Variants in DDX60L observed in about 807,000 individuals in gnomAD.
DDX60L encodes DExD/H-box 60 like, also known as probable ATP-dependent RNA helicase DDX60-like.
Under a neutral mutation model 211.6 loss-of-function variants are expected in DDX60L, and 191 were observed. The ratio of observed to expected loss-of-function variants is 0.90; its 90% CI spans 0.80 to 1.02. DDX60L has a LOEUF of 1.02. Among genes scored for constraint, DDX60L ranks in the 50% least tolerant of loss-of-function variants. DDX60L has a pLI of 0.00. For synonymous variants in DDX60L, 706 were observed against 694.1 expected (o/e 1.02, Z -0.27); for missense variants, 2,007 against 1,984.1 (o/e 1.01, Z -0.22).
rs1052491542 is a variant in DDX60L, at chr4:168,443,282, G to A, written c.1139-1790C>T. Among the ~76,000 whole-genome samples, 520 of 152,200 alleles carry A rather than the reference G, an allele frequency of 3.4e-3. 4 individuals are homozygous for A. Among genetic ancestry groups the A allele is most frequent in the Non-Finnish European group, 2.7e-3 (183 of 68,016 alleles). On this transcript the variant is annotated intron_variant, in intron 9 of 37. Coordinates refer to ENST00000682922, the MANE Select transcript of DDX60L (RefSeq NM_001012967.3). ...AACTGGAAGAAAGGGTATCAGCAATGGAAGATGAAATGAATGAAATGAAGC... is the reference window on the plus strand; with the variant it reads ...AACTGGAAGAAAGGGTATCAGCAATAGAAGATGAAATGAATGAAATGAAGC...
chr4:168,420,635 CACACAT>C (rs34404801), intron 17 of DDX60L, among the ~76,000 whole-genome samples: 1,060 of 93,706 alleles, frequency 0.011, 14 homozygotes, highest in African/African-American at 0.04. Flanking sequence ...CACACACACA[CACACAT>C]GAGATAGATA....
At chr4:168,390,916 C>T (rs996107143) in intron 29 of DDX60L, among the ~76,000 whole-genome samples, 4 of 151,770 alleles carry the variant, frequency 2.6e-5, no homozygotes, top group Admixed American at 2.0e-4. Context: ...TGGAGACCTC[C>T]GAGTAACATT....
chr4:168,479,122 TGATG>T (rs35832532), intron 1 of DDX60L, among the ~76,000 whole-genome samples: 20,926 of 141,778 alleles, frequency 0.15, 3,073 homozygotes, highest in African/African-American at 0.38. Flanking sequence ...GATGGCTGGA[TGATG>T]GATGGATGGA....
chr4:168,386,511 C>T (rs1056485006), intron 29 of DDX60L, among the ~76,000 whole-genome samples: 1 of 151,354 alleles, frequency 6.6e-6, no homozygotes, highest in Non-Finnish European at 1.5e-5. Flanking sequence ...TCATAATAAT[C>T]CAGTGAGGTA....
At chr4:168,476,198 A>AACAG (rs1373313507) in intron 1 of DDX60L, 1 of 152,120 alleles carries the variant, frequency 6.6e-6, no homozygotes, top group East Asian at 1.9e-4. Context: ...GCAATGAAAA[A>AACAG]ACAAACACTT....
intron 4 of DDX60L, among the ~76,000 whole-genome samples, chr4:168,468,196 G>C (rs1040463054): frequency 5.0e-5 from 5 of 99,942 alleles, no homozygotes; most frequent in Admixed American, 1.4e-4. Flanking sequence ...AAATAAACAA[G>C]TAAAATTACA....
chr4:168,464,441 G>GCATTT (rs1554021673), intron 4 of DDX60L, among the ~76,000 whole-genome samples: 3 of 53,880 alleles, frequency 5.6e-5, no homozygotes, highest in Non-Finnish European at 1.1e-4. Context: ...CTTTATAATT[G>GCATTT]TATTTTTTTT....
chr4:168,384,877 T>C, intron 29 of DDX60L, 65 bp from the exon 30 acceptor site: 1 of 1,454,328 alleles, frequency 6.9e-7, no homozygotes, highest in Non-Finnish European at 9.5e-7. Context: ...AGTCCAAAGA[T>C]TTATGACTTT....
At position 168,423,778 on chromosome 4, in the gene DDX60L, G is replaced by T. The variant is rs770219807; in HGVS notation, c.1931-4C>A. ...CTTAAATCTTTCGAAATTTTGCCTT[G>T]TTAAAGAAACAATAAAATTGTTATA... On this transcript the variant is annotated splice_region_variant and splice_polypyrimidine_tract_variant and intron_variant, in intron 14 of 37. Transcript: ENST00000682922. 2 of 1,553,442 alleles carry T rather than the reference G, an allele frequency of 1.3e-6. No individual in the cohort carries two copies. Among genetic ancestry groups the T allele is most frequent in the African/African-American group, 1.4e-5 (1 of 71,506 alleles).
intron 10 of DDX60L, among the ~76,000 whole-genome samples, chr4:168,440,580 T>C (rs1309951697): frequency 1.3e-5 from 2 of 152,132 alleles, no homozygotes; most frequent in Admixed American, 6.5e-5. Context: ...AAATGCCATG[T>C]CCTCTCTGGA....
At chr4:168,384,999 T>C (rs1010661289) in intron 29 of DDX60L, among the ~76,000 whole-genome samples, 187 bp from the exon 30 acceptor site, 2 of 152,120 alleles carry the variant, frequency 1.3e-5, no homozygotes, top group African/African-American at 4.8e-5. Context: ...TAAGGAGGCA[T>C]TGTGATATAT....
intron 14 of DDX60L, among the ~76,000 whole-genome samples, chr4:168,426,655 C>T (rs867840056): frequency 1.1e-4 from 16 of 152,144 alleles, no homozygotes; most frequent in East Asian, 3.9e-4. Context: ...GCTGGCTAGA[C>T]GGGCAGAAAC....
Position 168,473,058 on chromosome 4 carries a change from C to CA in DDX60L, c.-110-250dup, listed in dbSNP as rs34429903. Among the ~76,000 whole-genome samples, 3 of 151,988 alleles carry CA rather than the reference C, an allele frequency of 2.0e-5. No individual in the cohort carries two copies. The South Asian group carries it at 6.2e-4, about 32-fold the overall frequency. On this transcript the variant is annotated intron_variant, in intron 1 of 37. Transcript: ENST00000682922. ...ACTCCCTTATAGTTAATTTGCCCCC[C>CA]AAAAAAAGCAATAAAAAGTATTCTT...
rs1261888904 is a variant in DDX60L at position 168,400,826 on chromosome 4, A to C, written c.3491T>G (p.Ile1164Ser). The change falls in exon 26 of 38, where the codon ATC (isoleucine) becomes AGC (serine). Residue 1164 changes from isoleucine (I) to serine (S), a missense_variant and splice_region_variant. Physicochemically the swap from Ile to Ser is moderately radical, Grantham distance 142. Transcript: ENST00000682922. ...TGTTTAAGTAAACATTAATACTTAC[A>C]TCCTTTTCTGTGTCTTCCTCACTTT... The part of the protein sequence containing the change: ...LEKVRKTQKR[I>S]TKKNPKKAEK... The C allele has an allele frequency of 6.2e-7, 1 of 1,608,896 alleles. No individual in the cohort carries two copies. Among genetic ancestry groups the C allele is most frequent in the Admixed American group, 1.7e-5 (1 of 59,086 alleles).
chr4:168,456,894 A>G (rs4692937), intron 6 of DDX60L, among the ~76,000 whole-genome samples: 44,133 of 151,974 alleles, frequency 0.29, 8,070 homozygotes, highest in East Asian at 0.62. Context: ...ATATGCAATA[A>G]TCTTAATGAA....
chr4:168,403,982 A>C lies in DDX60L; in HGVS notation c.3338T>G (p.Leu1113Trp), dbSNP rs947570936. 20 of 1,372,956 alleles carry C rather than the reference A, an allele frequency of 1.5e-5. No homozygotes were observed. Among genetic ancestry groups the C allele is most frequent in the Non-Finnish European group, 1.9e-5 (20 of 1,025,754 alleles). The allele number at this position is 1,372,956 out of a possible 1,614,324, so 85.0% of individuals were successfully genotyped here. A position where few individuals can be genotyped will look rare whatever the true frequency, so the allele number is the denominator to read the frequency against. ...QMDKLPAIFF[L>W]FKNDDVGKRA... ...GATAAATTAAGTTTCAGTTACTTAC[A>C]AAAAAAATATTGCAGGCAACTTATC... The change falls in exon 25 of 38, where the codon TTG becomes TGG. Residue 1113 changes from leucine (L) to tryptophan (W), a missense_variant and splice_region_variant. Coordinates refer to ENST00000682922, the MANE Select transcript of DDX60L (RefSeq NM_001012967.3).
At chr4:168,428,341 T>C (rs566237508) in intron 13 of DDX60L, among the ~76,000 whole-genome samples, 1 of 152,276 alleles carries the variant, frequency 6.6e-6, no homozygotes, top group South Asian at 2.1e-4. Context: ...GTGATAACTA[T>C]TATCTAGAAT....
Position 168,416,704 on chromosome 4 carries a change from T to C in DDX60L, c.2704A>G (p.Asn902Asp). ...CPFLVLSATINNPNLLTKWLQ... is the reference protein window; with the variant it reads ...CPFLVLSATIDNPNLLTKWLQ... ...TACTTGGTGAGAAGATTTGGGTTAT[T>C]TATGGTAGCTGAAAGAACCAAAAAG... Residue 902 changes from asparagine to aspartate, a missense_variant, in exon 20 of 38, where the codon AAT (asparagine) becomes GAT (aspartate). Asn to Asp is a conservative substitution (Grantham distance 23). Coordinates refer to ENST00000682922, the MANE Select transcript of DDX60L (RefSeq NM_001012967.3). 2 of 1,600,428 alleles carry C rather than the reference T, an allele frequency of 1.2e-6. No homozygotes were observed. Among genetic ancestry groups the C allele is most frequent in the South Asian group, 2.3e-5 (2 of 87,674 alleles).
chr4:168,441,239 A>G (rs1436073505), intron 10 of DDX60L, 98 bp downstream of exon 10: 23 of 1,224,176 alleles, frequency 1.9e-5, no homozygotes, highest in Non-Finnish European at 2.5e-5. Flanking sequence ...ACAGTGAAGG[A>G]AAATTATTTA....
Sources: gnomAD v4.1 joint callset for allele counts (sites outside exome capture counted in the v4.1 genomes callset) on GRCh38, gnomAD v4.1.1 for gene constraint, MANE v1.5 for transcripts, NCBI Gene and HGNC (gene_info 2026-07-23, HGNC 2026-07-21) for gene names.